The following LIMCH1 variants were observed in gnomAD, a reference collection of about 807,000 sequenced individuals.
LIMCH1 encodes LIM and calponin homology domains 1, also known as LIM and calponin homology domains-containing protein 1.
In LIMCH1, 113 loss-of-function variants were observed where a neutral mutation model predicts 176.5. The observed-to-expected ratio is 0.64, with a 90% CI of 0.55 to 0.75. LIMCH1 has a LOEUF of 0.75. Among genes scored for constraint, LIMCH1 ranks in the 30% least tolerant of loss-of-function variants. LIMCH1 has a pLI of 0.00. For synonymous variants in LIMCH1, 619 were observed against 645.9 expected (o/e 0.96, Z 0.63); for missense variants, 1,674 against 1,814.9 (o/e 0.92, Z 1.41).
intron 1 of LIMCH1, among the ~76,000 whole-genome samples, chr4:41,545,937 T>C (rs1326223022): frequency 6.6e-6 from 1 of 152,186 alleles, no homozygotes; most frequent in African/African-American, 2.4e-5. Flanking sequence ...ATATGAAATA[T>C]TAACATTGGG....
intron 1 of LIMCH1, among the ~76,000 whole-genome samples, chr4:41,544,896 C>CT (rs1243825480): frequency 6.6e-6 from 1 of 152,224 alleles, no homozygotes; most frequent in Non-Finnish European, 1.5e-5. Flanking sequence ...CCTAAGTTAC[C>CT]TCTTGGGTCC....
chr4:41,500,785 A>G (rs1441061618), intron 2 of LIMCH1, among the ~76,000 whole-genome samples: 1 of 152,222 alleles, frequency 6.6e-6, no homozygotes, highest in Non-Finnish European at 1.5e-5. Flanking sequence ...ATAACCATCA[A>G]GGGCCTGGTA....
intron 2 of LIMCH1, among the ~76,000 whole-genome samples, chr4:41,499,014 A>C (rs772305451): frequency 1.3e-5 from 2 of 152,208 alleles, no homozygotes; most frequent in African/African-American, 2.4e-5. Context: ...TTTACAGAGA[A>C]ACTTTGCCAG....
rs1288667723 is a variant in LIMCH1 at position 41,418,798 on chromosome 4, A to C, written c.96+57862A>C. ...AGGCTTTTAAAGGGCTGACACGGTG[A>C]GAGATAGAGAGAGAGAGAGAGAGAA... On this transcript the variant is annotated intron_variant, in intron 1 of 26. Transcript: ENST00000313860. 1.7e-4 allele frequency: 24 copies of C among 145,310 alleles called. No individual in the cohort carries two copies. The Admixed American group carries it at 1.7e-3, about 10-fold the overall frequency. 9.0% of individuals were successfully genotyped at this position (145,310 alleles called of 1,614,324 possible). A position where few individuals can be genotyped will look rare whatever the true frequency, so the allele number is the denominator to read the frequency against.
chr4:41,496,909 C>G (rs1378130209), intron 2 of LIMCH1, among the ~76,000 whole-genome samples: 1 of 152,160 alleles, frequency 6.6e-6, no homozygotes, highest in African/African-American at 2.4e-5. Context: ...GTACCACTCT[C>G]TAGAACTGGA....
chr4:41,531,732 G>A (rs2077340952), intron 3 of LIMCH1, among the ~76,000 whole-genome samples: 1 of 152,168 alleles, frequency 6.6e-6, no homozygotes, highest in African/African-American at 2.4e-5. Flanking sequence ...TCAGAGACAG[G>A]AAGACAGAAT....
intron 2 of LIMCH1, among the ~76,000 whole-genome samples, chr4:41,502,510 A>G (rs1003459091): frequency 1.3e-5 from 2 of 152,184 alleles, no homozygotes; most frequent in East Asian, 3.9e-4. Flanking sequence ...TAGTTGAACT[A>G]ATCTACGTTC....
chr4:41,637,104 G>A (rs1021311394), intron 13 of LIMCH1, among the ~76,000 whole-genome samples: 1 of 152,210 alleles, frequency 6.6e-6, no homozygotes, highest in South Asian at 2.1e-4. Context: ...TTGAATAAAT[G>A]TATTCCAATA....
intron 13 of LIMCH1, among the ~76,000 whole-genome samples, chr4:41,635,289 AG>A (rs1478200581): frequency 6.6e-6 from 1 of 151,116 alleles, no homozygotes; most frequent in Non-Finnish European, 1.5e-5. Context: ...ACTGGAGTGC[AG>A]GGCCCGATCT....
chr4:41,475,867 A>G (rs2067657906), intron 1 of LIMCH1, among the ~76,000 whole-genome samples: 1 of 152,242 alleles, frequency 6.6e-6, no homozygotes. Flanking sequence ...GTATCCCAGA[A>G]CTTAAAGTAA....
intron 4 of LIMCH1, 72 bp from the exon 5 acceptor site, chr4:41,613,386 TGGAGACCA>T: frequency 8.3e-7 from 1 of 1,207,112 alleles, no homozygotes; most frequent in Admixed American, 2.3e-5. Flanking sequence ...GGGGTTTTTT[TGGAGACCA>T]CTGGAGACCC....
chr4:41,626,706 A>G lies in LIMCH1; in HGVS notation c.726-2A>G, dbSNP rs982695887. 6.5e-7 allele frequency: 1 copy of G among 1,533,558 alleles called. No homozygotes were observed. The highest frequency in any genetic ancestry group is 8.7e-7 in the Non-Finnish European group (1 of 1,144,706). 95.0% of individuals were successfully genotyped at this position (1,533,558 alleles called of 1,614,324 possible). The stretch of plus-strand genomic sequence containing the variant: ...GAGTCCCATTTAATTTTCCCCTATC[A>G]GTCAAAAACAATTAAGTGAAGAGAA... On this transcript the variant is annotated splice_acceptor_variant, in intron 7 of 31. Transcript: ENST00000503057. LOFTEE classifies it high-confidence loss of function.
intron 1 of LIMCH1, among the ~76,000 whole-genome samples, chr4:41,581,736 G>A (rs1413298492): frequency 6.7e-6 from 1 of 149,098 alleles, no homozygotes; most frequent in South Asian, 2.1e-4. Flanking sequence ...AACCTGGGAG[G>A]CAGAGGTTGC....
At chr4:41,402,993 A>G (rs2154118644) in intron 1 of LIMCH1, among the ~76,000 whole-genome samples, 1 of 151,688 alleles carries the variant, frequency 6.6e-6, no homozygotes, top group East Asian at 1.9e-4. Context: ...AAAAAAGAAA[A>G]AAAAAGACCT....
At chr4:41,669,458 G>A (rs2094940151) in intron 21 of LIMCH1, among the ~76,000 whole-genome samples, 1 of 152,134 alleles carries the variant, frequency 6.6e-6, no homozygotes, top group Admixed American at 6.5e-5. Flanking sequence ...CTCAAACCCT[G>A]TGTGCCAGGG....
At chr4:41,554,360 C>G (rs2080948804) in intron 1 of LIMCH1, among the ~76,000 whole-genome samples, 1 of 152,122 alleles carries the variant, frequency 6.6e-6, no homozygotes, top group African/African-American at 2.4e-5. Flanking sequence ...CCACATACCT[C>G]TCTTACTCTG....
intron 1 of LIMCH1, among the ~76,000 whole-genome samples, chr4:41,416,831 G>A (rs560021355): frequency 2.5e-4 from 38 of 152,220 alleles, no homozygotes; most frequent in Non-Finnish European, 5.3e-4. Flanking sequence ...AAAGGCCAAG[G>A]GAGCTGACAG....
chr4:41,629,877 A>G (rs963545537), intron 9 of LIMCH1, 143 bp downstream of exon 9: 6 of 966,786 alleles, frequency 6.2e-6, no homozygotes, highest in Non-Finnish European at 8.9e-6. Flanking sequence ...GCTTGATCAC[A>G]GTTCACTGTA....
At chr4:41,629,174 G>A (rs1300284781) in intron 8 of LIMCH1, among the ~76,000 whole-genome samples, 2 of 152,122 alleles carry the variant, frequency 1.3e-5, no homozygotes, top group Non-Finnish European at 2.9e-5. Flanking sequence ...TGGGAATTGG[G>A]CATCATTACC....
Sources: allele counts gnomAD v4.1 joint callset (sites outside exome capture counted in the v4.1 genomes callset), GRCh38; gene constraint gnomAD v4.1.1; transcripts MANE v1.5; gene names NCBI Gene and HGNC (gene_info 2026-07-23, HGNC 2026-07-21).